The following HDAC5 variants were observed in gnomAD, a reference collection of about 807,000 sequenced individuals.
The protein encoded by HDAC5 is antigen NY-CO-9.
HDAC5 carries 25 observed loss-of-function variants against 133.3 expected under a neutral mutation model. That is an observed-to-expected ratio of 0.19 (90% CI 0.14 to 0.26). HDAC5 has a LOEUF of 0.26. HDAC5 is among the 10% of genes least tolerant of loss of function. The pLI, the probability that HDAC5 is intolerant of heterozygous loss-of-function variation, is 1.00. For missense variants in HDAC5, 1,041 were observed against 1,460.5 expected (o/e 0.71, Z 4.68); for synonymous variants, 589 against 610.8 (o/e 0.96, Z 0.53).
chr17:44,104,354 C>T (rs1359118315), intron 3 of HDAC5, among the ~76,000 whole-genome samples: 2 of 152,020 alleles, frequency 1.3e-5, no homozygotes, highest in East Asian at 1.9e-4. Context: ...AAATGAAATA[C>T]TTAAGAATTC....
intron 21 of HDAC5, 73 bp downstream of exon 21, chr17:44,080,690 C>T: frequency 6.2e-7 from 1 of 1,604,108 alleles, no homozygotes; most frequent in South Asian, 1.1e-5. Flanking sequence ...GCCTCCGTGG[C>T]TCCCCGCCAG....
chr17:44,093,180 G>A lies in HDAC5; in HGVS notation c.553C>T (p.Leu185=). ...ESAIASTEVK[L]RLQEFLLSKS... is the part of the protein sequence containing the mutation. ...GACAAGAGGAATTCCTGGAGCCTCAGCTTTACCTCAGTGCTGGCAATGGCA... is the reference window on the plus strand; with the variant it reads ...GACAAGAGGAATTCCTGGAGCCTCAACTTTACCTCAGTGCTGGCAATGGCA... Residue 185 remains leucine (L), a synonymous_variant, in exon 6 of 27, where the codon CTG becomes TTG. Coordinates refer to ENST00000682912, the MANE Select transcript of HDAC5 (RefSeq NM_005474.5). The A allele has an allele frequency of 6.2e-7, 1 of 1,613,554 alleles. No individual in the cohort carries two copies. Among genetic ancestry groups the A allele is most frequent in the East Asian group, 2.2e-5 (1 of 44,872 alleles).
rs35671008 is a variant in HDAC5 at position 44,101,410 on chromosome 17, C to CAAAA, written c.95-7580_95-7577dup. The stretch of plus-strand genomic sequence containing the variant: ...TTGGCGACAGAGCAAGACTCCGTCT[C>CAAAA]AAAAAAAAAAAAAAAAAAAAAGACC... On this transcript the variant is annotated intron_variant, in intron 3 of 26. Coordinates refer to ENST00000682912, the MANE Select transcript of HDAC5 (RefSeq NM_005474.5). 6.4e-3 allele frequency among the ~76,000 whole-genome samples: 417 copies of CAAAA among 65,558 alleles called. 15 individuals are homozygous for CAAAA. Among genetic ancestry groups the CAAAA allele is most frequent in the African/African-American group, 0.017 (252 of 14,536 alleles). The allele number at this position is 65,558 out of a possible 152,430, so 43.0% of individuals were successfully genotyped here. A position where few individuals can be genotyped will look rare whatever the true frequency, so the allele number is the denominator to read the frequency against.
At chr17:44,118,553 G>A (rs1009782135) in intron 1 of HDAC5, among the ~76,000 whole-genome samples, 2 of 152,140 alleles carry the variant, frequency 1.3e-5, no homozygotes, top group Admixed American at 1.3e-4. Flanking sequence ...AGTAAAGGAG[G>A]AGGTATTACA....
At chr17:44,112,073 T>C (rs534220446) in intron 2 of HDAC5, among the ~76,000 whole-genome samples, 1 of 152,230 alleles carries the variant, frequency 6.6e-6, no homozygotes, top group African/African-American at 2.4e-5. Flanking sequence ...GTCATAAAGC[T>C]GCTTACATGG....
chr17:44,107,819 T>G (rs1390790794), intron 3 of HDAC5, among the ~76,000 whole-genome samples: 1 of 152,032 alleles, frequency 6.6e-6, no homozygotes, highest in Non-Finnish European at 1.5e-5. Context: ...CCCATGGCAC[T>G]TCCCAGTGTC....
At chr17:44,116,606 G>A (rs2052660704) in intron 2 of HDAC5, among the ~76,000 whole-genome samples, 1 of 152,132 alleles carries the variant, frequency 6.6e-6, no homozygotes, top group Admixed American at 6.5e-5. Context: ...GGGCCGTGGA[G>A]AGCTAAAGTT....
intron 1 of HDAC5, among the ~76,000 whole-genome samples, chr17:44,121,125 G>GA (rs2143680102): frequency 6.7e-6 from 1 of 148,522 alleles, no homozygotes; most frequent in African/African-American, 2.5e-5. Context: ...AAAAAAAAGA[G>GA]AGGGGGGTGG....
At chr17:44,095,514 G>A (rs1309430673) in intron 3 of HDAC5, among the ~76,000 whole-genome samples, 1 of 152,096 alleles carries the variant, frequency 6.6e-6, no homozygotes, top group Non-Finnish European at 1.5e-5. Flanking sequence ...AGAGGCTGTG[G>A]GAATGGGGGT....
At position 44,091,351 on chromosome 17, in the gene HDAC5, C is replaced by T. The variant is rs746748501; in HGVS notation, c.1306G>A (p.Gly436Arg). 17 of 1,604,022 alleles carry T rather than the reference C, an allele frequency of 1.1e-5. No individual in the cohort carries two copies. The highest frequency in any genetic ancestry group is 2.2e-5 in the East Asian group (1 of 44,790). ...CLLGVALEGD[G>R]SPHGHASLLQ... ...AGGGAGGCATGCCCGTGGGGGCTCC[C>T]GTCGCCCTCCAGTGCCACGCCCAGC... The change falls in exon 11 of 27, where the codon GGG becomes AGG. Residue 436 changes from glycine (G) to arginine (R), a missense_variant. By Grantham distance (125) the Gly-to-Arg change is moderately radical. Coordinates refer to ENST00000682912, the MANE Select transcript of HDAC5 (RefSeq NM_005474.5).
chr17:44,109,466 T>A (rs2052202295), intron 3 of HDAC5, among the ~76,000 whole-genome samples: 1 of 152,094 alleles, frequency 6.6e-6, no homozygotes. Flanking sequence ...CACCCCAGCC[T>A]ACAGGGCTGG....
rs2052737982 is a variant in HDAC5, at chr17:44,117,788, C to T, written c.-189-84G>A. The T allele has an allele frequency of 1.7e-6, 1 of 582,396 alleles. No individual in the cohort carries two copies. The highest frequency in any genetic ancestry group is 2.8e-5 in the East Asian group (1 of 35,438). 36.1% of individuals were successfully genotyped at this position (582,396 alleles called of 1,614,324 possible). A position where few individuals can be genotyped will look rare whatever the true frequency, so the allele number is the denominator to read the frequency against. ...AGACCTTGGAGCTCATCAGTTTGTACCTGGGGATGAGGGATGAGAGGGAGG... is the reference window on the plus strand; with the variant it reads ...AGACCTTGGAGCTCATCAGTTTGTATCTGGGGATGAGGGATGAGAGGGAGG... On this transcript the variant is annotated intron_variant, in intron 1 of 26. Transcript: ENST00000682912. The surrounding 1 kb of genome is among the most constrained non-coding windows in gnomAD (Gnocchi z 4.2).
chr17:44,080,920 C>T (rs188745232), intron 20 of HDAC5, 38 bp from the exon 21 acceptor site: 21 of 1,613,644 alleles, frequency 1.3e-5, no homozygotes, highest in Admixed American at 1.0e-4. Flanking sequence ...AAATGGCCCG[C>T]GCTCTGACCC....
In HDAC5 at chr17:44,079,657, AAAAG is replaced by A. The variant is rs1187095614; in HGVS notation, c.2945-384_2945-381del. 1.9e-4 allele frequency among the ~76,000 whole-genome samples: 29 copies of A among 151,426 alleles called. 1 individual carries two copies. Among genetic ancestry groups the A allele is most frequent in the African/African-American group, 5.3e-4 (22 of 41,330 alleles). ...TCCACCTCAAAAAAAAAAAAAAAAA[AAAAG>A]AAAGAAAAGGAGAGAAAAAGAAACA... On this transcript the variant is annotated intron_variant, in intron 23 of 26. Transcript: ENST00000682912.
At chr17:44,118,200 C>G (rs1460487032) in intron 1 of HDAC5, among the ~76,000 whole-genome samples, 1 of 152,244 alleles carries the variant, frequency 6.6e-6, no homozygotes, top group East Asian at 1.9e-4. Flanking sequence ...CCACCCAGCT[C>G]TGGAAATATG....
chr17:44,088,627 C>T, intron 11 of HDAC5, 29 bp from the exon 12 acceptor site: 1 of 1,597,272 alleles, frequency 6.3e-7, no homozygotes. Flanking sequence ...TGACTAAGCA[C>T]CATTGTCAGG....
At chr17:44,089,911 A>G (rs1252419992) in intron 11 of HDAC5, among the ~76,000 whole-genome samples, 2 of 145,996 alleles carry the variant, frequency 1.4e-5, no homozygotes, top group Admixed American at 1.4e-4. Flanking sequence ...CAGCCTGGGC[A>G]ACAAAGTGAG....
chr17:44,102,835 C>T (rs2143460296), intron 3 of HDAC5, among the ~76,000 whole-genome samples: 1 of 151,976 alleles, frequency 6.6e-6, no homozygotes, highest in Middle Eastern at 3.4e-3. Flanking sequence ...CCTGGCTAAT[C>T]ATTTGTATTC....
At chr17:44,123,237 G>A (rs758415382) in intron 1 of HDAC5, 2 of 285,472 alleles carry the variant, frequency 7.0e-6, no homozygotes, top group African/African-American at 2.2e-5. Flanking sequence ...GCGCGAGAAG[G>A]CGGGCCCCTC....
Sources: allele counts gnomAD v4.1 joint callset (sites outside exome capture counted in the v4.1 genomes callset), GRCh38; gene constraint gnomAD v4.1.1; non-coding constraint Gnocchi (gnomAD v3.1); transcripts MANE v1.5; gene names NCBI Gene and HGNC (gene_info 2026-07-23, HGNC 2026-07-21).